Variants in CEP55 observed in about 807,000 individuals in gnomAD.
CEP55 encodes centrosomal protein of 55 kDa.
In CEP55, 57 loss-of-function variants were observed where a neutral mutation model predicts 63.2. That is an observed-to-expected ratio of 0.90 (90% CI 0.73 to 1.13). CEP55 has a LOEUF of 1.13. Ranked by LOEUF, CEP55 falls within the 50% of genes most tolerant of loss-of-function variation. CEP55 has a pLI of 0.00. For missense variants in CEP55, 456 were observed against 518.9 expected (o/e 0.88, Z 1.18); for synonymous variants, 178 against 191.6 (o/e 0.93, Z 0.59).
At chr10:93,497,725 G>A (rs1442575764) in intron 1 of CEP55, among the ~76,000 whole-genome samples, 2 of 151,904 alleles carry the variant, frequency 1.3e-5, no homozygotes, top group Non-Finnish European at 2.9e-5. Context: ...GTAGGGGTGG[G>A]GGTGGGGCAG....
chr10:93,500,642 T>C (rs1456679866), intron 2 of CEP55, among the ~76,000 whole-genome samples: 1 of 152,220 alleles, frequency 6.6e-6, no homozygotes, highest in Non-Finnish European at 1.5e-5. Context: ...TTAGCTTAAC[T>C]ACATGAATAT....
chr10:93,518,931 G>A lies in CEP55; in HGVS notation c.1048G>A (p.Ala350Thr). The part of the protein sequence containing the change: ...LKQQEEQTRV[A>T]LLEQQMQACT... ...GCAGCAAGAAGAACAAACAAGGGTA[G>A]CTCTGTTGGAACAACAGGTACTCAT... The change falls in exon 7 of 9, where the codon GCT becomes ACT. Residue 350 changes from alanine to threonine, a missense_variant. Physicochemically the swap from Ala to Thr is moderately conservative, Grantham distance 58 (BLOSUM62 0). Coordinates refer to ENST00000371485, the MANE Select transcript of CEP55 (RefSeq NM_018131.5). The A allele has an allele frequency of 6.2e-7, 1 of 1,613,078 alleles. No individual in the cohort carries two copies. The highest frequency in any genetic ancestry group is 8.5e-7 in the Non-Finnish European group (1 of 1,179,122).
chr10:93,525,882 A>G (rs201932010), intron 8 of CEP55, among the ~76,000 whole-genome samples: 7,445 of 152,076 alleles, frequency 0.049, 307 homozygotes, highest in East Asian at 0.12. Flanking sequence ...CTGGCTAGCC[A>G]TATGTAGAAA....
rs1291035978 is a variant in CEP55, at chr10:93,506,921, G to T, written c.460-67G>T. 7 of 977,440 alleles carry T rather than the reference G, an allele frequency of 7.2e-6. No homozygotes were observed. The African/African-American group carries it at 8.0e-5, about 11-fold the overall frequency. 60.5% of individuals were successfully genotyped at this position (977,440 alleles called of 1,614,324 possible). A position where few individuals can be genotyped will look rare whatever the true frequency, so the allele number is the denominator to read the frequency against. On this transcript the variant is annotated intron_variant, in intron 3 of 8. Coordinates refer to ENST00000371485, the MANE Select transcript of CEP55 (RefSeq NM_018131.5). ...CCCGTGAGTTATACTGTATTATTAT[G>T]GTGAATGTAATGAGGCAACTTCTAT... is the stretch of plus-strand genomic sequence containing the variant.
chr10:93,499,313 T>C (rs1024925141), intron 1 of CEP55, among the ~76,000 whole-genome samples: 2 of 152,220 alleles, frequency 1.3e-5, no homozygotes, highest in Non-Finnish European at 2.9e-5. Context: ...TGACATTTCG[T>C]GCCTATATAC....
At chr10:93,503,417 T>A (rs750002441) in intron 3 of CEP55, 29 bp downstream of exon 3, 1 of 1,579,266 alleles carries the variant, frequency 6.3e-7, no homozygotes, top group Non-Finnish European at 8.6e-7. Flanking sequence ...AACCCAGATT[T>A]TTTTTTTCTT....
intron 1 of CEP55, among the ~76,000 whole-genome samples, chr10:93,499,495 C>A (rs1296918229): frequency 6.7e-6 from 1 of 148,968 alleles, no homozygotes. Flanking sequence ...GAACACTACA[C>A]AAAACATAAA....
At chr10:93,520,057 G>C in intron 8 of CEP55, 1 of 499,630 alleles carries the variant, frequency 2.0e-6, no homozygotes, top group Non-Finnish European at 3.6e-6. Flanking sequence ...GCACTAAATA[G>C]TGCCTGAGCT....
Position 93,518,925 on chromosome 10 carries a change from AG to A in CEP55, c.1045del (p.Val349Ter), listed in dbSNP as rs2057830072. 1.2e-6 allele frequency: 2 copies of A among 1,612,886 alleles called. No homozygotes were observed. Among genetic ancestry groups the A allele is most frequent in the Non-Finnish European group, 1.7e-6 (2 of 1,179,056 alleles). ...GCTAAAGCAGCAAGAAGAACAAACAAGGGTAGCTCTGTTGGAACAACAGGTA... is the reference window on the plus strand; with the variant it reads ...GCTAAAGCAGCAAGAAGAACAAACAAGGTAGCTCTGTTGGAACAACAGGTA... ...SLLKQQEEQT[R>X]VALLEQQMQA... On this transcript the variant is annotated frameshift_variant, in exon 7 of 9. Transcript: ENST00000371485. LOFTEE classifies it high-confidence loss of function.
At chr10:93,513,910 C>T (rs2057775069) in intron 4 of CEP55, among the ~76,000 whole-genome samples, 1 of 151,344 alleles carries the variant, frequency 6.6e-6, no homozygotes, top group South Asian at 2.1e-4. Context: ...CCAGTATGGC[C>T]TCATTTTAAC....
intron 4 of CEP55, among the ~76,000 whole-genome samples, chr10:93,513,706 C>CTG (rs1307781591): frequency 6.6e-6 from 1 of 152,112 alleles, no homozygotes; most frequent in African/African-American, 2.4e-5. Flanking sequence ...TTTGCTGATA[C>CTG]TGTTATAGGT....
At chr10:93,520,909 A>C (rs981830988) in intron 8 of CEP55, among the ~76,000 whole-genome samples, 3 of 152,230 alleles carry the variant, frequency 2.0e-5, no homozygotes, top group Non-Finnish European at 2.9e-5. Context: ...TTTATAATTC[A>C]TTTTTGTTAT....
chr10:93,522,695 G>A (rs890644761), intron 8 of CEP55, among the ~76,000 whole-genome samples: 6 of 152,124 alleles, frequency 3.9e-5, no homozygotes, highest in African/African-American at 1.4e-4. Context: ...GAGAAAGGTC[G>A]GGTTACCCAC....
chr10:93,518,801 G>A (rs537875839), intron 6 of CEP55, 76 bp from the exon 7 acceptor site: 102 of 969,890 alleles, frequency 1.1e-4, no homozygotes, highest in Admixed American at 2.4e-4. Context: ...GACTTGTGAT[G>A]TGAGCTTTCC....
At chr10:93,524,493 C>T (rs1403692825) in intron 8 of CEP55, among the ~76,000 whole-genome samples, 17 of 152,098 alleles carry the variant, frequency 1.1e-4, no homozygotes, top group South Asian at 1.0e-3. Context: ...GATTCACAGC[C>T]GAATTCTACC....
rs545637959 is a variant in CEP55 at position 93,521,191 on chromosome 10, T to A, written c.1191+1384T>A. Among the ~76,000 whole-genome samples the A allele has an allele frequency of 3.3e-5, 5 of 152,056 alleles. No homozygotes were observed. The South Asian group carries it at 1.0e-3, about 32-fold the overall frequency. ...CGCAAGGGGTCAGGGAATTCCCTTTTCTAGCCAAGGAAAGGGGTGACTGAC... is the reference window on the plus strand; with the variant it reads ...CGCAAGGGGTCAGGGAATTCCCTTTACTAGCCAAGGAAAGGGGTGACTGAC... On this transcript the variant is annotated intron_variant, in intron 8 of 8. Transcript: ENST00000371485.
intron 4 of CEP55, among the ~76,000 whole-genome samples, chr10:93,512,246 C>T (rs1377185386): frequency 3.2e-5 from 2 of 61,830 alleles, no homozygotes; most frequent in Non-Finnish European, 7.0e-5. Flanking sequence ...AAAAATTGGC[C>T]GGGCTCAGTG....
intron 4 of CEP55, among the ~76,000 whole-genome samples, chr10:93,507,300 T>A (rs969603162): frequency 1.3e-5 from 2 of 149,504 alleles, no homozygotes; most frequent in African/African-American, 4.9e-5. Context: ...CTTGGTTCAC[T>A]GCAACCTCTG....
At chr10:93,496,971 G>C in intron 1 of CEP55, 48 bp downstream of exon 1, 1 of 152,308 alleles carries the variant, frequency 6.6e-6, no homozygotes, top group East Asian at 1.9e-4. Context: ...CAAGTGACTT[G>C]CCCAAGGTCT....
Sources: allele counts gnomAD v4.1 joint callset (sites outside exome capture counted in the v4.1 genomes callset), GRCh38; gene constraint gnomAD v4.1.1; transcripts MANE v1.5; gene names NCBI Gene and HGNC (gene_info 2026-07-23, HGNC 2026-07-21).